TRIOBP: variants seen among roughly 807,000 people sequenced by gnomAD.
TRIOBP encodes the protein TRIO and F-actin binding protein.
A neutral mutation model predicts 238.8 loss-of-function variants in TRIOBP; 169 were observed. The observed-to-expected ratio is 0.71, with a 90% CI of 0.62 to 0.80. The LOEUF is 0.80. Ranked by LOEUF, TRIOBP falls within the 30% of genes least tolerant of loss-of-function variation. The pLI is 0.00. For synonymous variants in TRIOBP, 1,150 were observed against 1,274.4 expected, an observed-to-expected ratio of 0.90 and a Z score of 2.08; for missense variants, 2,838 against 3,122.6, an observed-to-expected ratio of 0.91 and a Z score of 2.17.
intron 12 of TRIOBP, among the ~76,000 whole-genome samples, chr22:37,752,902 G>T (rs1160966081): frequency 6.6e-6 from 1 of 152,230 alleles, no homozygotes; most frequent in African/African-American, 2.4e-5. Context: ...GCCCATGAGG[G>T]TGTTGGTCTC....
At chr22:37,708,671 A>C (rs1923078927) in intron 3 of TRIOBP, among the ~76,000 whole-genome samples, 1 of 152,254 alleles carries the variant, frequency 6.6e-6, no homozygotes, top group African/African-American at 2.4e-5. Context: ...AGGATAAGTC[A>C]CGTGGCCCAG....
At chr22:37,727,159 T>A (rs1016414323) in intron 7 of TRIOBP, among the ~76,000 whole-genome samples, 4 of 151,122 alleles carry the variant, frequency 2.6e-5, no homozygotes, top group Non-Finnish European at 5.9e-5. Context: ...TCCACCCGCC[T>A]CGGCCTCGCA....
At chr22:37,707,783 A>G (rs1442916694) in intron 3 of TRIOBP, among the ~76,000 whole-genome samples, 1 of 151,022 alleles carries the variant, frequency 6.6e-6, no homozygotes, top group Non-Finnish European at 1.5e-5. Context: ...CTCTACTAAA[A>G]ATACAAAAAT....
At chr22:37,771,770 G>T in intron 22 of TRIOBP, 34 bp downstream of exon 22, 1 of 1,602,138 alleles carries the variant, frequency 6.2e-7, no homozygotes, top group South Asian at 1.1e-5. Flanking sequence ...GGCCGTCGGG[G>T]ACTCTGGAGC....
intron 7 of TRIOBP, among the ~76,000 whole-genome samples, chr22:37,728,223 C>T (rs983425652): frequency 7.1e-6 from 1 of 140,980 alleles, no homozygotes; most frequent in Non-Finnish European, 1.5e-5. Context: ...GATCATGCCA[C>T]TACACTCCAG....
At chr22:37,729,303 A>C (rs1329717933) in intron 7 of TRIOBP, among the ~76,000 whole-genome samples, 1 of 151,392 alleles carries the variant, frequency 6.6e-6, no homozygotes, top group Non-Finnish European at 1.5e-5. Context: ...GCGGCCTCAA[A>C]CTGCCAGGCT....
At position 37,768,146 on chromosome 22, in the gene TRIOBP, A is replaced by G. The variant is rs1926593473; in HGVS notation, c.6545A>G (p.Gln2182Arg). 1 of 1,613,378 alleles carries G rather than the reference A, an allele frequency of 6.2e-7. No homozygotes were observed. The highest frequency in any genetic ancestry group is 1.3e-5 in the African/African-American group (1 of 74,900). The change falls in exon 19 of 24, where the codon CAG becomes CGG. Residue 2182 changes from glutamine (Q) to arginine (R), a missense_variant. Transcript: ENST00000644935. ...CTGAGCAAAACACGGAGTCTCCAGC[A>G]GGGCCCGGATGGCCTCCGGAAGCAG... ...RELSKTRSLQ[Q>R]GPDGLRKQHQ...
In TRIOBP at chr22:37,723,467, C is replaced by T. The variant is rs774814517; in HGVS notation, c.911C>T (p.Ser304Phe). 20 of 1,613,364 alleles carry T rather than the reference C, an allele frequency of 1.2e-5. No homozygotes were observed. Among genetic ancestry groups the T allele is most frequent in the Non-Finnish European group, 1.7e-5 (20 of 1,179,804 alleles). Residue 304 changes from serine (S) to phenylalanine (F), a missense_variant, in exon 7 of 24, where the codon TCC (serine) becomes TTC (phenylalanine). By Grantham distance (155) the Ser-to-Phe change is radical (BLOSUM62 -2). Transcript: ENST00000644935. Reference protein sequence around the residue: ...STQQEISRASSTQQETSRASS... With the variant: ...STQQEISRASFTQQETSRASS... ...CAACAGGAAATCTCCAGGGCCTCAT[C>T]CACCCAACAGGAAACCTCCAGGGCC...
chr22:37,724,805 A>T lies in TRIOBP; in HGVS notation c.2249A>T (p.Gln750Leu), dbSNP rs538895783. 5.6e-6 allele frequency: 9 copies of T among 1,609,676 alleles called. No individual in the cohort carries two copies. The highest frequency in any genetic ancestry group is 7.6e-6 in the Non-Finnish European group (9 of 1,178,352). Residue 750 changes from glutamine (Q) to leucine (L), a missense_variant, in exon 7 of 24, where the codon CAG becomes CTG. Physicochemically the swap from Gln to Leu is moderately radical, Grantham distance 113. Transcript: ENST00000644935. ...QRDNPRTSCA[Q>L]RDNPRASSPN... is the part of the protein sequence containing the mutation. Reference sequence around the variant, plus strand: ...GACAACCCCAGAACATCCTGTGCCCAGCGGGACAATCCCAGAGCCTCCTCT... The same window carrying T: ...GACAACCCCAGAACATCCTGTGCCCTGCGGGACAATCCCAGAGCCTCCTCT...
intron 12 of TRIOBP, among the ~76,000 whole-genome samples, chr22:37,753,278 G>T (rs574710421): frequency 1.0e-4 from 15 of 147,318 alleles, no homozygotes; most frequent in East Asian, 2.0e-4. Context: ...TTTTATTTTT[G>T]TTTTTTTTTT....
In TRIOBP at chr22:37,735,306, C is replaced by G. The variant is rs1276167194; in HGVS notation, c.4970C>G (p.Pro1657Arg). The G allele has an allele frequency of 6.2e-7, 1 of 1,612,506 alleles. No homozygotes were observed. The highest frequency in any genetic ancestry group is 2.2e-5 in the East Asian group (1 of 44,850). ...QSQSPVQLPS[P>R]ACTSTQWPKI... Reference sequence around the variant, plus strand: ...CAGAGCCCGGTCCAGCTGCCCAGCCCTGCCTGCACCTCCACCCAGTGGCCA... The same window carrying G: ...CAGAGCCCGGTCCAGCTGCCCAGCCGTGCCTGCACCTCCACCCAGTGGCCA... The change falls in exon 9 of 24, where the codon CCT (proline) becomes CGT (arginine). Residue 1657 changes from proline (P) to arginine (R), a missense_variant. Pro to Arg is a moderately radical substitution (Grantham distance 103). Coordinates refer to ENST00000644935, the MANE Select transcript of TRIOBP (RefSeq NM_001039141.3).
At position 37,757,427 on chromosome 22, in the gene TRIOBP, C is replaced by T. The variant is rs540010269; in HGVS notation, c.5688-186C>T. On this transcript the variant is annotated intron_variant, in intron 15 of 23. Transcript: ENST00000644935. The stretch of plus-strand genomic sequence containing the variant: ...GCATCCTGGTGGGTCCCTGGGCTGT[C>T]AAGAGGTGGAGCTGGGATGTTCCTG... Among the ~76,000 whole-genome samples the T allele has an allele frequency of 3.9e-5, 6 of 152,196 alleles. No individual in the cohort carries two copies. The South Asian group carries it at 1.0e-3, about 26-fold the overall frequency.
chr22:37,758,109 A>G lies in TRIOBP; in HGVS notation c.6184A>G (p.Ser2062Gly), dbSNP rs727503525. ...QSRGERRGPP[S>G]DGHEALEKEV... ...CCGCGGAGAGCGCCGAGGGCCCCCA[A>G]GTGACGGCCACGAGGCACTGGAGAA... is the stretch of plus-strand genomic sequence containing the variant. Residue 2062 changes from serine (S) to glycine (G), a missense_variant, in exon 16 of 24, where the codon AGT (serine) becomes GGT (glycine). Around this residue, in one of 5 missense-constraint regions of TRIOBP, gnomAD observed 2,096 missense variants for 2,137.4 expected, o/e 0.98. Transcript: ENST00000644935. The G allele has an allele frequency of 2.5e-6, 4 of 1,611,064 alleles. No homozygotes were observed. Among genetic ancestry groups the G allele is most frequent in the Non-Finnish European group, 3.4e-6 (4 of 1,179,948 alleles).
At chr22:37,733,478 T>G in intron 8 of TRIOBP, 66 bp downstream of exon 8, 1 of 1,265,512 alleles carries the variant, frequency 7.9e-7, no homozygotes, top group Non-Finnish European at 1.1e-6. Flanking sequence ...TCCCTCCCGC[T>G]AGAAGCCAGG....
intron 14 of TRIOBP, 90 bp downstream of exon 14, chr22:37,755,280 G>A (rs1925858123): frequency 2.3e-6 from 3 of 1,324,962 alleles, no homozygotes; most frequent in Non-Finnish European, 1.1e-6. Flanking sequence ...GGCTCACCAT[G>A]GAGACTGGAT....
At position 37,733,426 on chromosome 22, in the gene TRIOBP, G is replaced by A. The variant is rs772464982; in HGVS notation, c.4062+14G>A. 6.5e-7 allele frequency: 1 copy of A among 1,546,494 alleles called. No individual in the cohort carries two copies. Among genetic ancestry groups the A allele is most frequent in the South Asian group, 1.2e-5 (1 of 83,986 alleles). On this transcript the variant is annotated intron_variant, in intron 8 of 23. Coordinates refer to ENST00000644935, the MANE Select transcript of TRIOBP (RefSeq NM_001039141.3). ...CCCAGCAGGCAGGTGAGCACTGCCA[G>A]CTGTCTGGGGCCCCGCACCCCAAGG...
At chr22:37,730,016 C>G (rs561270824) in intron 7 of TRIOBP, among the ~76,000 whole-genome samples, 2 of 152,260 alleles carry the variant, frequency 1.3e-5, no homozygotes, top group African/African-American at 4.8e-5. Context: ...AAAGGGTTGT[C>G]ACATCAAAGC....
In TRIOBP at chr22:37,725,851, C is replaced by G; in HGVS notation, c.3295C>G (p.Gln1099Glu). 1 of 1,606,852 alleles carries G rather than the reference C, an allele frequency of 6.2e-7. No individual in the cohort carries two copies. Among genetic ancestry groups the G allele is most frequent in the African/African-American group, 1.4e-5 (1 of 73,776 alleles). ...CACATCAGATGCCGAGCATCAGTGT[C>G]AGTCCCCCCAACACGAGCCCCTTCA... ...PDTSDAEHQC[Q>E]SPQHEPLQLP... Residue 1099 changes from glutamine (Q) to glutamate (E), a missense_variant, in exon 7 of 24, where the codon CAG becomes GAG. Transcript: ENST00000644935.
chr22:37,726,210 C>T lies in TRIOBP; in HGVS notation c.3654C>T (p.Ile1218=), dbSNP rs369426105. Residue 1218 remains isoleucine (I), a synonymous_variant, in exon 7 of 24, where the codon ATC becomes ATT. Transcript: ENST00000644935. ...GSPVLIPQVC[I]GHRDAPRASS... The stretch of plus-strand genomic sequence containing the variant: ...CAGTGCTGATCCCCCAAGTGTGCAT[C>T]GGGCACCGGGATGCACCCCGAGCCT... 28 of 1,536,670 alleles carry T rather than the reference C, an allele frequency of 1.8e-5. No homozygotes were observed. The highest frequency in any genetic ancestry group is 1.7e-4 in the Middle Eastern group (1 of 5,742).
Sources: allele counts gnomAD v4.1 joint callset (sites outside exome capture counted in the v4.1 genomes callset), GRCh38; gene constraint gnomAD v4.1.1; regional missense constraint gnomAD v4.1.1; transcripts MANE v1.5; gene names NCBI Gene and HGNC (gene_info 2026-07-23, HGNC 2026-07-21).